The following NBR1 variants were observed in gnomAD, a reference collection of about 807,000 sequenced individuals.
The protein encoded by NBR1 is next to BRCA1 gene 1 protein.
Under a neutral mutation model 115.5 loss-of-function variants are expected in NBR1, and 59 were observed. The ratio of observed to expected loss-of-function variants is 0.51; its 90% CI spans 0.41 to 0.63. The LOEUF (loss-of-function observed/expected upper bound fraction) is 0.63. Ranked by LOEUF, NBR1 falls within the 30% of genes least tolerant of loss-of-function variation. NBR1 has a pLI of 0.00. For synonymous variants in NBR1, 373 were observed against 414.7 expected (o/e 0.90, Z 1.22); for missense variants, 1,043 against 1,150.5 (o/e 0.91, Z 1.35).
chr17:43,209,586 T>C, intron 20 of NBR1: 1 of 1,535,604 alleles, frequency 6.5e-7, no homozygotes, highest in Non-Finnish European at 8.7e-7. Flanking sequence ...CATTCCTTCA[T>C]CTGGCCAAAA....
intron 20 of NBR1, chr17:43,209,452 TCCAG>T: frequency 1.1e-6 from 1 of 876,712 alleles, no homozygotes; most frequent in South Asian, 1.5e-5. Context: ...GTTTTTTTTG[TCCAG>T]CTCCTCTGCA....
At chr17:43,205,662 C>T (rs1431312297) in intron 20 of NBR1, among the ~76,000 whole-genome samples, 2 of 151,800 alleles carry the variant, frequency 1.3e-5, no homozygotes, top group Non-Finnish European at 2.9e-5. Context: ...CGATTATTTG[C>T]GTCCAGGAGT....
At position 43,193,444 on chromosome 17, in the gene NBR1, G is replaced by A. The variant is rs2056995977; in HGVS notation, c.1330G>A (p.Val444Met). ...GGCCGGCCATGTGGGAGTTGTATCTGTGGAGTTCATTGCCCCAGCCTTGGA... is the reference window on the plus strand; with the variant it reads ...GGCCGGCCATGTGGGAGTTGTATCTATGGAGTTCATTGCCCCAGCCTTGGA... ...LKAGHVGVVS[V>M]EFIAPALEGT... The change falls in exon 12 of 21, where the codon GTG becomes ATG. Residue 444 changes from valine to methionine, a missense_variant. Transcript: ENST00000590996. The A allele has an allele frequency of 1.2e-6, 2 of 1,613,978 alleles. No homozygotes were observed. The highest frequency in any genetic ancestry group is 1.3e-5 in the African/African-American group (1 of 75,050).
intron 1 of NBR1, among the ~76,000 whole-genome samples, chr17:43,172,017 G>T (rs371245392): frequency 7.4e-4 from 112 of 152,182 alleles, no homozygotes; most frequent in Non-Finnish European, 1.2e-3. Flanking sequence ...CAAAGCTCAG[G>T]TTGCCAGGTC....
chr17:43,204,842 A>G (rs1389101315), intron 20 of NBR1, among the ~76,000 whole-genome samples: 1 of 144,364 alleles, frequency 6.9e-6, no homozygotes, highest in African/African-American at 2.5e-5. Flanking sequence ...GTATGATGGC[A>G]TGCACCTACA....
intron 15 of NBR1, 133 bp downstream of exon 15, chr17:43,196,724 G>C: frequency 1.2e-6 from 1 of 863,806 alleles, no homozygotes; most frequent in Non-Finnish European, 1.8e-6. Context: ...ATGTTTTGAA[G>C]TCTCCTCACC....
intron 9 of NBR1, 105 bp from the exon 10 acceptor site, chr17:43,191,263 AAAAG>A (rs1437703307): frequency 2.3e-5 from 18 of 796,828 alleles, no homozygotes; most frequent in Non-Finnish European, 3.4e-5. Flanking sequence ...CTAAAACAAA[AAAAG>A]AAATTAAACT....
chr17:43,177,987 GA>G lies in NBR1; in HGVS notation c.158del (p.Asn53MetfsTer45). The G allele has an allele frequency of 6.4e-7, 1 of 1,569,436 alleles. No homozygotes were observed. ...NTIQIKYLDE[E>X]NEEVSINSQG... is the part of the protein sequence containing the mutation. ...TATTCAAATAAAATACCTGGATGAG[GA>G]AAATGAAGAGGTAAAATATATTATG... On this transcript the variant is annotated frameshift_variant, in exon 3 of 21. Transcript: ENST00000590996. LOFTEE classifies it high-confidence loss of function.
rs776209362 is a variant in NBR1 at position 43,200,252 on chromosome 17, GGAGGAGGAT to G, written c.2130_2138del (p.Asp710_Glu712del). On this transcript the variant is annotated inframe_deletion, in exon 17 of 21. Coordinates refer to ENST00000590996, the MANE Select transcript of NBR1 (RefSeq NM_005899.5). ...CTGAGGAAGAAGCTGTCATGGAGGA[GGAGGAGGAT>G]GAGGAGGATGAGGAGGAGGAGGATG... 7.9e-4 allele frequency: 1,231 copies of G among 1,551,728 alleles called. 1 individual carries two copies. Among genetic ancestry groups the G allele is most frequent in the South Asian group, 2.4e-3 (205 of 84,060 alleles).
Position 43,190,664 on chromosome 17 carries a change from G to A in NBR1, c.751G>A (p.Asp251Asn), listed in dbSNP as rs1406934758. 3 of 1,612,456 alleles carry A rather than the reference G, an allele frequency of 1.9e-6. No individual in the cohort carries two copies. Among genetic ancestry groups the A allele is most frequent in the Non-Finnish European group, 2.5e-6 (3 of 1,179,218 alleles). The change falls in exon 9 of 21, where the codon GAC becomes AAC. Residue 251 changes from aspartate (D) to asparagine (N), a missense_variant. Coordinates refer to ENST00000590996, the MANE Select transcript of NBR1 (RefSeq NM_005899.5). ...TTGTGAAGCAGGGCCATATGGCCATGACACTAACCACGTCCTGCTGAAGTT... is the reference window on the plus strand; with the variant it reads ...TTGTGAAGCAGGGCCATATGGCCATAACACTAACCACGTCCTGCTGAAGTT... ...EDCEAGPYGH[D>N]TNHVLLKLRR...
rs531974151 is a variant in NBR1, at chr17:43,176,527, C to T, written c.102+626C>T. ...TCTGAAACCCTTTGGTAAAAATCTA[C>T]GTTTACCTGGTTATATCTGATGATA... On this transcript the variant is annotated intron_variant, in intron 2 of 20. Transcript: ENST00000590996. 7.2e-5 allele frequency: 11 copies of T among 152,122 alleles called. No homozygotes were observed. The East Asian group carries it at 1.2e-3, about 16-fold the overall frequency. The allele number at this position is 152,122 out of a possible 1,614,324, so 9.4% of individuals were successfully genotyped here.
intron 5 of NBR1, among the ~76,000 whole-genome samples, chr17:43,183,907 GC>G (rs2056735880): frequency 6.6e-6 from 1 of 152,100 alleles, no homozygotes; most frequent in South Asian, 2.1e-4. Context: ...TGATCTGCCT[GC>G]CTCAGCCTCC....
intron 5 of NBR1, among the ~76,000 whole-genome samples, chr17:43,183,517 C>T (rs554194545): frequency 9.4e-5 from 14 of 149,516 alleles, no homozygotes; most frequent in Admixed American, 7.9e-4. Context: ...CTGCGCCCAG[C>T]GACACGTGTG....
At chr17:43,183,313 C>T (rs1340569648) in intron 5 of NBR1, among the ~76,000 whole-genome samples, 2 of 151,520 alleles carry the variant, frequency 1.3e-5, no homozygotes, top group Admixed American at 6.6e-5. Context: ...CTCCACCTCC[C>T]GGGTTCAAGC....
intron 3 of NBR1, among the ~76,000 whole-genome samples, 163 bp from the exon 4 acceptor site, chr17:43,179,231 A>G (rs1338449351): frequency 6.6e-6 from 1 of 152,188 alleles, no homozygotes; most frequent in African/African-American, 2.4e-5. Flanking sequence ...CACAGTAGAT[A>G]AGCAATAAAA....
Position 43,201,727 on chromosome 17 carries a change from A to AT in NBR1, c.2513dup (p.Leu838PhefsTer13), listed in dbSNP as rs1567865541. 1 of 1,609,378 alleles carries AT rather than the reference A, an allele frequency of 6.2e-7. No individual in the cohort carries two copies. The highest frequency in any genetic ancestry group is 1.7e-5 in the Admixed American group (1 of 60,008). On this transcript the variant is annotated frameshift_variant, in exon 18 of 21. Coordinates refer to ENST00000590996, the MANE Select transcript of NBR1 (RefSeq NM_005899.5). LOFTEE classifies it high-confidence loss of function. ...CATCATCATGGTTCCCCAGGAGTGG[A>AT]TTTACCAGTTACCATACCAGAAGTT...
chr17:43,196,918 A>G (rs763857628), intron 15 of NBR1, 24 bp from the exon 16 acceptor site: 1 of 1,613,258 alleles, frequency 6.2e-7, no homozygotes, highest in East Asian at 2.2e-5. Context: ...CACCCAGTGC[A>G]GATAAGGTTC....
At chr17:43,194,080 CAG>C (rs1180094137) in intron 12 of NBR1, among the ~76,000 whole-genome samples, 14 of 152,262 alleles carry the variant, frequency 9.2e-5, no homozygotes, top group African/African-American at 3.4e-4. Flanking sequence ...ATTAGTGGGG[CAG>C]AGTGTTTACT....
In NBR1 at chr17:43,211,006, A is replaced by G. The variant is rs2057407052; in HGVS notation, c.*932A>G. ...AATGTCAGTGAAGTTCAGGGTGGGC[A>G]AATGAGTGTGTGTGAGGTATAGGAA... On this transcript the variant is annotated 3_prime_UTR_variant, in exon 21 of 21. Coordinates refer to ENST00000590996, the MANE Select transcript of NBR1 (RefSeq NM_005899.5). 3.2e-6 allele frequency: 1 copy of G among 312,840 alleles called. No individual in the cohort carries two copies. Among genetic ancestry groups the G allele is most frequent in the South Asian group, 1.6e-4 (1 of 6,256 alleles). 19.4% of individuals were successfully genotyped at this position (312,840 alleles called of 1,614,324 possible). A position where few individuals can be genotyped will look rare whatever the true frequency, so the allele number is the denominator to read the frequency against.
Sources: gnomAD v4.1 joint callset for allele counts (sites outside exome capture counted in the v4.1 genomes callset) on GRCh38, gnomAD v4.1.1 for gene constraint, MANE v1.5 for transcripts, NCBI Gene and HGNC (gene_info 2026-07-23, HGNC 2026-07-21) for gene names.